PEX5L: variants seen among roughly 807,000 people sequenced by gnomAD.
PEX5L encodes peroxisomal biogenesis factor 5 like.
In PEX5L, 30 loss-of-function variants were observed where a neutral mutation model predicts 84.0. The ratio of observed to expected loss-of-function variants is 0.36; its 90% CI spans 0.27 to 0.48. The LOEUF (loss-of-function observed/expected upper bound fraction) is 0.48, where lower values mean the gene tolerates loss of function less well. Among genes scored for constraint, PEX5L ranks in the 20% least tolerant of loss-of-function variants. The pLI, the probability that PEX5L is intolerant of heterozygous loss-of-function variation, is 0.99. For missense variants in PEX5L, 533 were observed against 754.6 expected (o/e 0.71, Z 3.44); for synonymous variants, 270 against 283.1 (o/e 0.95, Z 0.46).
intron 1 of PEX5L, among the ~76,000 whole-genome samples, chr3:180,015,557 A>T (rs1789871240): frequency 6.6e-6 from 1 of 152,164 alleles, no homozygotes; most frequent in Non-Finnish European, 1.5e-5. Flanking sequence ...TAAAAACTAA[A>T]ACAAAGCAGT....
intron 4 of PEX5L, among the ~76,000 whole-genome samples, chr3:179,882,190 G>A (rs1754368432): frequency 6.6e-6 from 1 of 152,168 alleles, no homozygotes; most frequent in African/African-American, 2.4e-5. Flanking sequence ...TTAGTCACTT[G>A]CTCCTAGACT....
At chr3:180,005,760 A>G (rs1301454918) in intron 1 of PEX5L, among the ~76,000 whole-genome samples, 1 of 152,182 alleles carries the variant, frequency 6.6e-6, no homozygotes, top group African/African-American at 2.4e-5. Flanking sequence ...GTAGAGACCA[A>G]GGTCTCACTG....
rs924937902 is a variant in PEX5L at position 179,926,300 on chromosome 3, T to G, written c.94-28054A>C. Among the ~76,000 whole-genome samples, 4 of 152,126 alleles carry G rather than the reference T, an allele frequency of 2.6e-5. No homozygotes were observed. In the East Asian group the frequency reaches 7.7e-4, roughly 29 times the overall value. On this transcript the variant is annotated intron_variant, in intron 2 of 14. Coordinates refer to ENST00000467460, the MANE Select transcript of PEX5L (RefSeq NM_016559.3). ...AGAGGAAAAGGCAAATCCGATTACATCAGTGCCCTCGGACCAGCCAGCCAA... is the reference window on the plus strand; with the variant it reads ...AGAGGAAAAGGCAAATCCGATTACAGCAGTGCCCTCGGACCAGCCAGCCAA...
chr3:179,801,881 C>A lies in PEX5L; in HGVS notation c.1828G>T (p.Ala610Ser), dbSNP rs1478430388. The change falls in exon 15 of 15, where the codon GCT (alanine) becomes TCT (serine). Residue 610 changes from alanine (A) to serine (S), a missense_variant. Around this residue, in one of 8 missense-constraint regions of PEX5L, gnomAD observed 105 missense variants for 204.6 expected, o/e 0.51. Transcript: ENST00000467460. ...AGGACATCCAGGTCACCAAGATTAGCCGCCTGGAAGAGTTCTGGTTGGTCC... is the reference window on the plus strand; with the variant it reads ...AGGACATCCAGGTCACCAAGATTAGACGCCTGGAAGAGTTCTGGTTGGTCC... Reference protein sequence around the residue: ...LMDQPELFQAANLGDLDVLLR... With the variant: ...LMDQPELFQASNLGDLDVLLR... The A allele has an allele frequency of 6.2e-7, 1 of 1,614,040 alleles. No individual in the cohort carries two copies. The highest frequency in any genetic ancestry group is 1.7e-5 in the Admixed American group (1 of 60,022).
chr3:179,948,838 C>T (rs1022227259), intron 2 of PEX5L, among the ~76,000 whole-genome samples: 4 of 152,140 alleles, frequency 2.6e-5, no homozygotes, highest in Non-Finnish European at 5.9e-5. Context: ...TGTTAAAATG[C>T]AATTTTAACA....
intron 8 of PEX5L, among the ~76,000 whole-genome samples, chr3:179,834,699 T>C (rs1369901031): frequency 1.3e-5 from 2 of 152,192 alleles, no homozygotes; most frequent in Non-Finnish European, 2.9e-5. Flanking sequence ...CTGGATGTTT[T>C]AGTGATTGAA....
At chr3:180,010,246 C>CTTTTTTTTTTTT (rs1178375452) in intron 1 of PEX5L, among the ~76,000 whole-genome samples, 13 of 105,156 alleles carry the variant, frequency 1.2e-4, no homozygotes, top group South Asian at 3.2e-4. Context: ...CACCCGGCCT[C>CTTTTTTTTTTTT]TTTTTTTTTT....
At position 179,972,110 on chromosome 3, in the gene PEX5L, T is replaced by C. The variant is rs751343271; in HGVS notation, c.22-445A>G. Reference sequence around the variant, plus strand: ...ATTTTTAAGAATAATAGAAGTATTATGCAACTCAGATAATGAATCTTCAGA... The same window carrying C: ...ATTTTTAAGAATAATAGAAGTATTACGCAACTCAGATAATGAATCTTCAGA... On this transcript the variant is annotated intron_variant, in intron 1 of 14. Coordinates refer to ENST00000467460, the MANE Select transcript of PEX5L (RefSeq NM_016559.3). 1.3e-5 allele frequency among the ~76,000 whole-genome samples: 2 copies of C among 152,180 alleles called. 1 individual carries two copies. Among genetic ancestry groups the C allele is most frequent in the South Asian group, 4.1e-4 (2 of 4,830 alleles).
At chr3:180,006,460 T>A (rs1448349779) in intron 1 of PEX5L, among the ~76,000 whole-genome samples, 1 of 152,192 alleles carries the variant, frequency 6.6e-6, no homozygotes, top group East Asian at 1.9e-4. Context: ...ACATACCTAT[T>A]GCTTTTAAAA....
chr3:180,010,051 C>T (rs1318717452), intron 1 of PEX5L, among the ~76,000 whole-genome samples: 1 of 151,856 alleles, frequency 6.6e-6, no homozygotes, highest in Non-Finnish European at 1.5e-5. Flanking sequence ...TCATGCCATT[C>T]TCCTGCCTCA....
chr3:179,967,308 A>T (rs1783584903), intron 2 of PEX5L, among the ~76,000 whole-genome samples: 1 of 152,118 alleles, frequency 6.6e-6, no homozygotes, highest in African/African-American at 2.4e-5. Context: ...GGGCAACTTA[A>T]TTCACTTTTC....
Position 180,036,828 on chromosome 3 carries a change from G to T in PEX5L, c.-229C>A. On this transcript the variant is annotated 5_prime_UTR_variant, in exon 1 of 15. Coordinates refer to ENST00000467460, the MANE Select transcript of PEX5L (RefSeq NM_016559.3). The stretch of plus-strand genomic sequence containing the variant: ...GCTGAAAGCGGACGCGGGAGAGCGC[G>T]CAGAGAAGGCGAGGAGCCGGGTCGG... 1 of 569,960 alleles carries T rather than the reference G, an allele frequency of 1.8e-6. No homozygotes were observed. The highest frequency in any genetic ancestry group is 3.2e-6 in the Non-Finnish European group (1 of 315,624). 35.3% of individuals were successfully genotyped at this position (569,960 alleles called of 1,614,324 possible). A position where few individuals can be genotyped will look rare whatever the true frequency, so the allele number is the denominator to read the frequency against.
At chr3:179,973,395 T>C (rs758371830) in intron 1 of PEX5L, 8 of 1,107,650 alleles carry the variant, frequency 7.2e-6, no homozygotes, top group Non-Finnish European at 8.9e-6. Flanking sequence ...TTTGTAAACA[T>C]TGTGAAATTT....
At chr3:179,968,186 T>C (rs1380125382) in intron 2 of PEX5L, among the ~76,000 whole-genome samples, 1 of 152,160 alleles carries the variant, frequency 6.6e-6, no homozygotes, top group Non-Finnish European at 1.5e-5. Context: ...TAAGTCTACT[T>C]GGAATTTGAA....
At position 179,795,745 on chromosome 3, in the gene PEX5L, T is replaced by C. The variant is rs991313898; in HGVS notation, c.*6083A>G. 6.6e-6 allele frequency: 1 copy of C among 152,190 alleles called. No homozygotes were observed. Among genetic ancestry groups the C allele is most frequent in the Admixed American group, 6.5e-5 (1 of 15,276 alleles). The allele number at this position is 152,190 out of a possible 1,614,324, so 9.4% of individuals were successfully genotyped here. ...ATGAGGAGGAAGCATCACAGAAGAA[T>C]TGTCTCAAAACAACATTTTTAGATT... On this transcript the variant is annotated 3_prime_UTR_variant, in exon 15 of 15. Coordinates refer to ENST00000467460, the MANE Select transcript of PEX5L (RefSeq NM_016559.3).
intron 1 of PEX5L, among the ~76,000 whole-genome samples, chr3:179,990,115 G>A (rs578141018): frequency 6.6e-6 from 1 of 152,280 alleles, no homozygotes; most frequent in Admixed American, 6.5e-5. Context: ...TGGATCTTGT[G>A]CCAGTTACTT....
chr3:179,980,675 G>A (rs1786242281), intron 1 of PEX5L, among the ~76,000 whole-genome samples: 1 of 152,128 alleles, frequency 6.6e-6, no homozygotes, highest in Admixed American at 6.5e-5. Flanking sequence ...AAGATATGTA[G>A]GAACAAGAAA....
chr3:180,029,128 T>C, intron 1 of PEX5L, among the ~76,000 whole-genome samples: 1 of 152,218 alleles, frequency 6.6e-6, no homozygotes, highest in East Asian at 1.9e-4. Flanking sequence ...TTGAGTGCAC[T>C]GTTTATCTTG....
At position 179,807,724 on chromosome 3, in the gene PEX5L, G is replaced by A. The variant is rs1347454641; in HGVS notation, c.1626C>T (p.Ile542=). The A allele has an allele frequency of 6.2e-7, 1 of 1,614,088 alleles. No individual in the cohort carries two copies. Among genetic ancestry groups the A allele is most frequent in the Non-Finnish European group, 8.5e-7 (1 of 1,180,044 alleles). ...TTATTCCTAGGTTGTATCTGGACCG[G>A]ATGAATCCTGGCTGAATCTCCAGTG... ...TRALEIQPGF[I]RSRYNLGISC... is the part of the protein sequence containing the mutation. Residue 542 remains isoleucine (I), a synonymous_variant, in exon 14 of 15, where the codon ATC becomes ATT. Coordinates refer to ENST00000467460, the MANE Select transcript of PEX5L (RefSeq NM_016559.3).
Sources: gnomAD v4.1 joint callset for allele counts (sites outside exome capture counted in the v4.1 genomes callset) on GRCh38, gnomAD v4.1.1 for gene constraint, gnomAD v4.1.1 regional missense constraint, MANE v1.5 for transcripts, NCBI Gene and HGNC (gene_info 2026-07-23, HGNC 2026-07-21) for gene names.